The following PTPRR variants were observed in gnomAD, a reference collection of about 807,000 sequenced individuals.
PTPRR encodes protein tyrosine phosphatase receptor type R.
In PTPRR, 38 loss-of-function variants were observed where a neutral mutation model predicts 77.2. That is an observed-to-expected ratio of 0.49 (90% CI 0.38 to 0.65). The LOEUF (loss-of-function observed/expected upper bound fraction) is 0.65, where lower values mean the gene tolerates loss of function less well. Among genes scored for constraint, PTPRR ranks in the 30% least tolerant of loss-of-function variants. The probability of loss-of-function intolerance (pLI) is 0.00; values close to 1 mark genes in which losing one functional copy is unlikely to be tolerated. For synonymous variants in PTPRR, 299 were observed against 283.1 expected (o/e 1.06, Z -0.57); for missense variants, 744 against 799.2 (o/e 0.93, Z 0.83).
At chr12:70,766,638 C>G (rs1178685454) in intron 2 of PTPRR, among the ~76,000 whole-genome samples, 2 of 150,860 alleles carry the variant, frequency 1.3e-5, no homozygotes, top group East Asian at 3.9e-4. Flanking sequence ...GGCAGGCCAG[C>G]ATTCAGATTC....
In PTPRR at chr12:70,722,541, C is replaced by A. The variant is rs1448947476; in HGVS notation, c.1008-21218G>T. Among the ~76,000 whole-genome samples, 4 of 152,096 alleles carry A rather than the reference C, an allele frequency of 2.6e-5. No individual in the cohort carries two copies. In the East Asian group the frequency reaches 7.7e-4, roughly 29 times the overall value. Reference sequence around the variant, plus strand: ...AAGAGGAGACTCCAAAGAAGCTTGACTTGGAGGGACGCGGAGGTCATCCGG... The same window carrying A: ...AAGAGGAGACTCCAAAGAAGCTTGAATTGGAGGGACGCGGAGGTCATCCGG... On this transcript the variant is annotated intron_variant, in intron 6 of 13. Coordinates refer to ENST00000283228, the MANE Select transcript of PTPRR (RefSeq NM_002849.4).
chr12:70,738,867 T>C (rs983736575), intron 6 of PTPRR, among the ~76,000 whole-genome samples: 3 of 152,232 alleles, frequency 2.0e-5, no homozygotes, highest in Non-Finnish European at 2.9e-5. Context: ...CATGCTATGC[T>C]CCTCAATACA....
intron 8 of PTPRR, among the ~76,000 whole-genome samples, chr12:70,685,511 A>G (rs1887832177): frequency 1.4e-5 from 2 of 147,798 alleles, no homozygotes; most frequent in African/African-American, 5.0e-5. Flanking sequence ...TTAGCCAGGC[A>G]TGGTGGCTTA....
Position 70,701,313 on chromosome 12 carries a change from TG to T in PTPRR, c.1017del (p.Asn340ThrfsTer8). 1 of 1,613,774 alleles carries T rather than the reference TG, an allele frequency of 6.2e-7. No homozygotes were observed. ...KPIGLQERRGSNVSLTLDMSS... is the reference protein window; with the variant it reads ...KPIGLQERRGXNVSLTLDMSS... Reference sequence around the variant, plus strand: ...CTCATGTCCAATGTAAGAGATACGTTGGACCCTCTTCTACATTGGAGAAGAA... The same window carrying T: ...CTCATGTCCAATGTAAGAGATACGTTGACCCTCTTCTACATTGGAGAAGAA... On this transcript the variant is annotated frameshift_variant, in exon 7 of 14. Coordinates refer to ENST00000283228, the MANE Select transcript of PTPRR (RefSeq NM_002849.4). LOFTEE classifies it high-confidence loss of function.
Position 70,638,764 on chromosome 12 carries a change from C to G in PTPRR, c.*420G>C, listed in dbSNP as rs905246914. On this transcript the variant is annotated 3_prime_UTR_variant, in exon 14 of 14. Transcript: ENST00000283228. ...CAGGAACAGTTTAACAGCTGACAGTCCATTCACAAGACAGATTTTGCAAAC... is the reference window on the plus strand; with the variant it reads ...CAGGAACAGTTTAACAGCTGACAGTGCATTCACAAGACAGATTTTGCAAAC... 3.2e-5 allele frequency: 5 copies of G among 154,118 alleles called. No individual in the cohort carries two copies. The highest frequency in any genetic ancestry group is 1.2e-4 in the African/African-American group (5 of 41,500). 9.5% of individuals were successfully genotyped at this position (154,118 alleles called of 1,614,324 possible). A position where few individuals can be genotyped will look rare whatever the true frequency, so the allele number is the denominator to read the frequency against.
At chr12:70,772,164 TC>T (rs1890992347) in intron 2 of PTPRR, among the ~76,000 whole-genome samples, 1 of 152,160 alleles carries the variant, frequency 6.6e-6, no homozygotes, top group Admixed American at 6.6e-5. Context: ...GGAAACCAAA[TC>T]TTTATGCATT....
At position 70,729,810 on chromosome 12, in the gene PTPRR, C is replaced by G. The variant is rs1889588386; in HGVS notation, c.1007+16008G>C. 2.0e-5 allele frequency among the ~76,000 whole-genome samples: 3 copies of G among 151,914 alleles called. 1 individual carries two copies. Among genetic ancestry groups the G allele is most frequent in the Admixed American group, 2.0e-4 (3 of 15,262 alleles). ...TTTACTGAATTACACAGTTTACTTT[C>G]TTATGAAGAATCATAATGATTTAAG... On this transcript the variant is annotated intron_variant, in intron 6 of 13. Transcript: ENST00000283228.
chr12:70,767,191 A>C (rs998916732), intron 2 of PTPRR, among the ~76,000 whole-genome samples: 1 of 152,100 alleles, frequency 6.6e-6, no homozygotes, highest in African/African-American at 2.4e-5. Context: ...AAATGGACTA[A>C]ATGCTCCAGT....
intron 2 of PTPRR, among the ~76,000 whole-genome samples, chr12:70,827,276 G>A (rs1488802400): frequency 6.6e-6 from 1 of 152,168 alleles, no homozygotes; most frequent in Non-Finnish European, 1.5e-5. Flanking sequence ...CACATAGCAG[G>A]TACTTAATAA....
intron 5 of PTPRR, among the ~76,000 whole-genome samples, chr12:70,750,281 A>C (rs1486564357): frequency 2.0e-5 from 3 of 152,208 alleles, no homozygotes; most frequent in Non-Finnish European, 4.4e-5. Flanking sequence ...ATTTTATAAT[A>C]AAACCCATGC....
chr12:70,675,409 C>T (rs769000005), intron 10 of PTPRR, among the ~76,000 whole-genome samples: 4 of 151,764 alleles, frequency 2.6e-5, no homozygotes, highest in Non-Finnish European at 5.9e-5. Context: ...TGTCTTTTCT[C>T]TCTTCTACCA....
intron 2 of PTPRR, among the ~76,000 whole-genome samples, chr12:70,881,750 A>T (rs1893152585): frequency 6.6e-6 from 1 of 152,332 alleles, no homozygotes; most frequent in South Asian, 2.1e-4. Context: ...GATTCTGATC[A>T]ATCTTCTTTA....
At chr12:70,674,943 A>C (rs546305159) in intron 10 of PTPRR, among the ~76,000 whole-genome samples, 8 of 152,120 alleles carry the variant, frequency 5.3e-5, no homozygotes, top group African/African-American at 1.9e-4. Context: ...TATATTTAGA[A>C]TCTTACTTGT....
intron 2 of PTPRR, among the ~76,000 whole-genome samples, chr12:70,846,667 C>T (rs1423006495): frequency 2.0e-5 from 3 of 151,982 alleles, no homozygotes; most frequent in Non-Finnish European, 2.9e-5. Context: ...GCTTGTTTGC[C>T]CCCTTCCACC....
intron 2 of PTPRR, among the ~76,000 whole-genome samples, chr12:70,880,180 G>C (rs1182775149): frequency 6.6e-6 from 1 of 152,144 alleles, no homozygotes; most frequent in Non-Finnish European, 1.5e-5. Context: ...TATGTGTCAA[G>C]AGTGATGCTA....
chr12:70,752,340 G>T (rs1427975052), intron 5 of PTPRR, among the ~76,000 whole-genome samples: 2 of 152,096 alleles, frequency 1.3e-5, no homozygotes, highest in Non-Finnish European at 2.9e-5. Flanking sequence ...TTCTAATAAC[G>T]TTAGAGTCGA....
Position 70,720,223 on chromosome 12 carries a change from A to G in PTPRR, c.1008-18900T>C, listed in dbSNP as rs548771445. The stretch of plus-strand genomic sequence containing the variant: ...AGAAACAAGCGTGAGATCTGGGGGC[A>G]CATTACCTGGGCTCGAATCCTATCT... On this transcript the variant is annotated intron_variant, in intron 6 of 13. Coordinates refer to ENST00000283228, the MANE Select transcript of PTPRR (RefSeq NM_002849.4). 9.2e-5 allele frequency among the ~76,000 whole-genome samples: 14 copies of G among 152,320 alleles called. No individual in the cohort carries two copies. In the South Asian group the frequency reaches 2.9e-3, roughly 32 times the overall value.
intron 2 of PTPRR, among the ~76,000 whole-genome samples, chr12:70,811,224 C>T (rs760889504): frequency 7.2e-5 from 11 of 152,076 alleles, no homozygotes; most frequent in African/African-American, 2.2e-4. Flanking sequence ...AATAATTTCA[C>T]GGGACATTAT....
intron 13 of PTPRR, among the ~76,000 whole-genome samples, chr12:70,655,270 T>C (rs1886534841): frequency 6.6e-6 from 1 of 152,200 alleles, no homozygotes; most frequent in Non-Finnish European, 1.5e-5. Flanking sequence ...GTGGAGAAAC[T>C]GGAACCCTCC....
Sources: gnomAD v4.1 joint callset for allele counts (sites outside exome capture counted in the v4.1 genomes callset) on GRCh38, gnomAD v4.1.1 for gene constraint, MANE v1.5 for transcripts, NCBI Gene and HGNC (gene_info 2026-07-23, HGNC 2026-07-21) for gene names.